The following ROCK2 variants were observed in gnomAD, a reference collection of about 807,000 sequenced individuals.
ROCK2 encodes Rho associated coiled-coil containing protein kinase 2, also known as rho-associated protein kinase 2.
ROCK2 carries 61 observed loss-of-function variants against 195.1 expected under a neutral mutation model. The ratio of observed to expected loss-of-function variants is 0.31; its 90% CI spans 0.25 to 0.39. The LOEUF (loss-of-function observed/expected upper bound fraction) is 0.39. ROCK2 is among the 10% of genes least tolerant of loss of function. The pLI is 1.00. For missense variants in ROCK2, 1,109 were observed against 1,637.4 expected (o/e 0.68, Z 5.57); for synonymous variants, 504 against 545.5 (o/e 0.92, Z 1.06).
chr2:11,196,077 A>T (rs1471602909), intron 27 of ROCK2, among the ~76,000 whole-genome samples: 1 of 152,180 alleles, frequency 6.6e-6, no homozygotes, highest in East Asian at 1.9e-4. Context: ...TGGATGCTTT[A>T]CACAAATTCT....
At chr2:11,219,270 G>A (rs1304686525) in intron 9 of ROCK2, among the ~76,000 whole-genome samples, 4 of 141,386 alleles carry the variant, frequency 2.8e-5, no homozygotes, top group Non-Finnish European at 3.0e-5. Flanking sequence ...AGGTCAAGGC[G>A]GGAAAGATCA....
At chr2:11,223,777 A>G (rs1028675235) in intron 7 of ROCK2, among the ~76,000 whole-genome samples, 6 of 152,134 alleles carry the variant, frequency 3.9e-5, no homozygotes, top group Admixed American at 2.0e-4. Flanking sequence ...GAGAAATCAA[A>G]TAGTTTTCTA....
chr2:11,211,736 T>C lies in ROCK2; in HGVS notation c.2148A>G (p.Ala716=), dbSNP rs775007030. ...TGGACTCATAGATCTTATTTTTATC[T>C]GCTAGTCGTGCCTTTGTGGCCTTAT... The part of the protein sequence containing the change: ...AEHKATKARL[A]DKNKIYESIE... Residue 716 remains alanine, a synonymous_variant, in exon 18 of 33, where the codon GCA becomes GCG. Coordinates refer to ENST00000315872, the MANE Select transcript of ROCK2 (RefSeq NM_004850.5). 28 of 1,613,586 alleles carry C rather than the reference T, an allele frequency of 1.7e-5. No individual in the cohort carries two copies. The highest frequency in any genetic ancestry group is 3.3e-5 in the South Asian group (3 of 91,034).
intron 3 of ROCK2, among the ~76,000 whole-genome samples, chr2:11,256,469 C>T (rs549821534): frequency 5.9e-5 from 9 of 151,472 alleles, no homozygotes; most frequent in Non-Finnish European, 7.4e-5. Flanking sequence ...TCCTGTACGG[C>T]CTGCAGAACT....
chr2:11,273,621 TAACAC>T (rs1227967452), intron 3 of ROCK2, among the ~76,000 whole-genome samples: 1 of 152,086 alleles, frequency 6.6e-6, no homozygotes, highest in Non-Finnish European at 1.5e-5. Context: ...ACAGAGGACT[TAACAC>T]AATAAACTAA....
chr2:11,199,142 C>T (rs1256811843), intron 23 of ROCK2, among the ~76,000 whole-genome samples: 1 of 151,562 alleles, frequency 6.6e-6, no homozygotes, highest in Non-Finnish European at 1.5e-5. Context: ...CTCGAGTGAT[C>T]GCCCGCCTAG....
In ROCK2 at chr2:11,180,941, T is replaced by A. The variant is rs972763867; in HGVS notation, c.*2496A>T. 5.3e-5 allele frequency: 8 copies of A among 152,080 alleles called. No homozygotes were observed. The highest frequency in any genetic ancestry group is 1.0e-4 in the Non-Finnish European group (7 of 68,000). 9.4% of individuals were successfully genotyped at this position (152,080 alleles called of 1,614,324 possible). A position where few individuals can be genotyped will look rare whatever the true frequency, so the allele number is the denominator to read the frequency against. On this transcript the variant is annotated 3_prime_UTR_variant, in exon 33 of 33. Transcript: ENST00000315872. ...GGACAAACAACCTTATAAACCCTTA[T>A]GTCAAACCATATAATGTGAAGAATC...
chr2:11,296,239 T>C (rs984961179), intron 1 of ROCK2, among the ~76,000 whole-genome samples: 4 of 152,122 alleles, frequency 2.6e-5, no homozygotes, highest in Admixed American at 6.5e-5. Context: ...TACAGTTAAG[T>C]AGATAGATAG....
intron 1 of ROCK2, among the ~76,000 whole-genome samples, chr2:11,317,688 C>T (rs1169795422): frequency 7.2e-6 from 1 of 137,936 alleles, no homozygotes; most frequent in Non-Finnish European, 1.5e-5. Flanking sequence ...CATATGTATA[C>T]ATGTGCCATG....
intron 3 of ROCK2, among the ~76,000 whole-genome samples, chr2:11,267,122 G>T (rs144449522): frequency 6.6e-6 from 1 of 152,178 alleles, no homozygotes; most frequent in Admixed American, 6.5e-5. Flanking sequence ...TCCAAATTCT[G>T]TATCTCTTCC....
intron 1 of ROCK2, among the ~76,000 whole-genome samples, chr2:11,313,248 C>A (rs1219115104): frequency 6.6e-6 from 1 of 151,970 alleles, no homozygotes; most frequent in Admixed American, 6.6e-5. Flanking sequence ...GACCTCTGTA[C>A]CATCTGCTTA....
chr2:11,194,486 A>G (rs1245719862), intron 28 of ROCK2, 142 bp from the exon 29 acceptor site: 4 of 373,756 alleles, frequency 1.1e-5, no homozygotes, highest in South Asian at 1.3e-4. Context: ...TATCTTTAGG[A>G]CAGTCTTCCT....
intron 32 of ROCK2, among the ~76,000 whole-genome samples, chr2:11,187,569 G>C (rs1663242597): frequency 6.6e-6 from 1 of 152,166 alleles, no homozygotes; most frequent in Non-Finnish European, 1.5e-5. Context: ...AATAATGCCT[G>C]CATGCGCCTC....
chr2:11,218,515 A>T (rs749635186), intron 10 of ROCK2, 49 bp from the exon 11 acceptor site: 2 of 1,298,726 alleles, frequency 1.5e-6, no homozygotes, highest in Non-Finnish European at 2.1e-6. Flanking sequence ...AATGATGGTT[A>T]TATTCTGTAA....
intron 3 of ROCK2, among the ~76,000 whole-genome samples, chr2:11,275,171 C>T (rs1558350015): frequency 6.6e-6 from 1 of 151,494 alleles, no homozygotes; most frequent in Non-Finnish European, 1.5e-5. Flanking sequence ...GCAGGAGAAT[C>T]GCTTGAACCC....
At chr2:11,275,245 G>A (rs1219037097) in intron 3 of ROCK2, among the ~76,000 whole-genome samples, 3 of 142,118 alleles carry the variant, frequency 2.1e-5, no homozygotes, top group Non-Finnish European at 1.5e-5. Context: ...GGACAACAGC[G>A]AGACTTCATG....
intron 1 of ROCK2, among the ~76,000 whole-genome samples, chr2:11,328,091 T>C (rs929547707): frequency 6.6e-6 from 1 of 152,098 alleles, no homozygotes; most frequent in Non-Finnish European, 1.5e-5. Context: ...TCCACATCTC[T>C]GATATGAAAC....
chr2:11,273,238 T>TA (rs1220557479), intron 3 of ROCK2, among the ~76,000 whole-genome samples: 5 of 151,268 alleles, frequency 3.3e-5, no homozygotes, highest in South Asian at 2.1e-4. Context: ...CAGAATGAAT[T>TA]AAAAAAAAGA....
At chr2:11,245,900 C>A (rs2148121564) in intron 4 of ROCK2, among the ~76,000 whole-genome samples, 1 of 152,288 alleles carries the variant, frequency 6.6e-6, no homozygotes, top group East Asian at 1.9e-4. Context: ...ATTTTGAAAA[C>A]TGGTAAATAC....
Sources: allele counts gnomAD v4.1 joint callset (sites outside exome capture counted in the v4.1 genomes callset), GRCh38; gene constraint gnomAD v4.1.1; transcripts MANE v1.5; gene names NCBI Gene and HGNC (gene_info 2026-07-23, HGNC 2026-07-21).